NKAIN3: variants seen among roughly 807,000 people sequenced by gnomAD.
NKAIN3 encodes sodium/potassium transporting ATPase interacting 3, also known as sodium/potassium-transporting ATPase subunit beta-1-interacting protein 3.
A neutral mutation model predicts 30.2 loss-of-function variants in NKAIN3; 25 were observed. The observed-to-expected ratio is 0.83, with a 90% CI of 0.60 to 1.16. NKAIN3 has a LOEUF of 1.16. Ranked by LOEUF, NKAIN3 falls within the 50% of genes most tolerant of loss-of-function variation. The pLI, the probability that NKAIN3 is intolerant of heterozygous loss-of-function variation, is 0.00. For synonymous variants in NKAIN3, 91 were observed against 89.6 expected, an observed-to-expected ratio of 1.02 and a Z score of -0.09; for missense variants, 225 against 254.1, an observed-to-expected ratio of 0.89 and a Z score of 0.78.
chr8:62,455,966 C>T (rs1013562010), intron 1 of NKAIN3, among the ~76,000 whole-genome samples: 1 of 152,138 alleles, frequency 6.6e-6, no homozygotes, highest in Non-Finnish European at 1.5e-5. Context: ...ACAGACATGG[C>T]TACTATGTGG....
intron 4 of NKAIN3, chr8:62,864,122 T>TGACGGC: frequency 1.6e-6 from 1 of 627,448 alleles, no homozygotes; most frequent in Non-Finnish European, 2.8e-6. Context: ...TTCGCGGAGG[T>TGACGGC]GATGGCGACG....
At chr8:62,606,932 T>A (rs1385821848) in intron 3 of NKAIN3, among the ~76,000 whole-genome samples, 1 of 152,150 alleles carries the variant, frequency 6.6e-6, no homozygotes, top group Non-Finnish European at 1.5e-5. Context: ...TACATACAAT[T>A]AATGCTGCAT....
intron 3 of NKAIN3, among the ~76,000 whole-genome samples, chr8:62,732,319 T>C (rs76545877): frequency 6.6e-6 from 1 of 152,204 alleles, no homozygotes; most frequent in African/African-American, 2.4e-5. Flanking sequence ...ATTTTTGTTT[T>C]AAATATTTCT....
At chr8:62,694,466 C>A (rs1814090615) in intron 3 of NKAIN3, among the ~76,000 whole-genome samples, 1 of 152,078 alleles carries the variant, frequency 6.6e-6, no homozygotes, top group African/African-American at 2.4e-5. Flanking sequence ...AAGACAAATA[C>A]CACATCTTCT....
chr8:62,282,533 G>A (rs540241484), intron 1 of NKAIN3, among the ~76,000 whole-genome samples: 10 of 152,224 alleles, frequency 6.6e-5, no homozygotes, highest in South Asian at 4.1e-4. Context: ...GGGAGCGATC[G>A]ATCTTTATCA....
chr8:62,388,563 A>G (rs1484802869), intron 1 of NKAIN3, among the ~76,000 whole-genome samples: 1 of 152,362 alleles, frequency 6.6e-6, no homozygotes, highest in Non-Finnish European at 1.5e-5. Flanking sequence ...TACTTTTATC[A>G]AACCCTGGCC....
At chr8:62,919,366 T>A (rs1290699264) in intron 5 of NKAIN3, among the ~76,000 whole-genome samples, 1 of 147,458 alleles carries the variant, frequency 6.8e-6, no homozygotes, top group Non-Finnish European at 1.5e-5. Flanking sequence ...TGCCTCAGCC[T>A]CCTGAGTGGC....
chr8:62,806,541 A>G (rs1026199283), intron 4 of NKAIN3, among the ~76,000 whole-genome samples: 1 of 152,108 alleles, frequency 6.6e-6, no homozygotes, highest in Non-Finnish European at 1.5e-5. Flanking sequence ...ATTCTCAGTA[A>G]ACTATCAGAA....
At chr8:62,960,757 A>AC (rs60452313) in intron 6 of NKAIN3, among the ~76,000 whole-genome samples, 12 of 151,676 alleles carry the variant, frequency 7.9e-5, no homozygotes, top group East Asian at 1.9e-4. Context: ...ACACACACAC[A>AC]AGTGATTAGA....
intron 5 of NKAIN3, among the ~76,000 whole-genome samples, chr8:62,928,734 C>T (rs145334966): frequency 3.9e-4 from 60 of 152,266 alleles, no homozygotes; most frequent in Middle Eastern, 3.4e-3. Context: ...CTTTGGAAGC[C>T]GCACGTTTCA....
intron 5 of NKAIN3, among the ~76,000 whole-genome samples, chr8:62,934,964 G>C (rs1242853664): frequency 6.6e-6 from 1 of 152,128 alleles, no homozygotes; most frequent in Admixed American, 6.5e-5. Context: ...GGGAAGGAGA[G>C]CACTTCCACA....
chr8:62,405,390 A>G (rs949960991), intron 1 of NKAIN3, among the ~76,000 whole-genome samples: 1 of 152,186 alleles, frequency 6.6e-6, no homozygotes, highest in African/African-American at 2.4e-5. Flanking sequence ...AGGACCACAG[A>G]GTACTTTATT....
chr8:62,632,960 C>T (rs371659952), intron 3 of NKAIN3, among the ~76,000 whole-genome samples: 3 of 152,044 alleles, frequency 2.0e-5, no homozygotes, highest in African/African-American at 7.2e-5. Flanking sequence ...CAATGCTTGC[C>T]CTGGGAATGG....
intron 4 of NKAIN3, among the ~76,000 whole-genome samples, chr8:62,913,535 G>A (rs928243744): frequency 5.9e-5 from 9 of 152,216 alleles, no homozygotes; most frequent in Non-Finnish European, 1.2e-4. Context: ...AGTGACGATC[G>A]TGTTGGGTGT....
intron 1 of NKAIN3, among the ~76,000 whole-genome samples, chr8:62,376,160 C>T (rs1022050494): frequency 3.3e-5 from 5 of 152,212 alleles, no homozygotes; most frequent in Admixed American, 2.0e-4. Context: ...CCCCCAGACA[C>T]AGGGAGCTTC....
intron 3 of NKAIN3, among the ~76,000 whole-genome samples, chr8:62,725,310 C>T (rs1273118633): frequency 6.6e-6 from 1 of 152,052 alleles, no homozygotes; most frequent in Non-Finnish European, 1.5e-5. Context: ...AATATTTTCA[C>T]CCTTTGTAAG....
chr8:62,851,445 T>C (rs1458125214), intron 4 of NKAIN3, among the ~76,000 whole-genome samples: 3 of 152,224 alleles, frequency 2.0e-5, no homozygotes. Context: ...GAATACCCTT[T>C]ATTTCCTTCT....
chr8:62,592,880 G>A (rs1236450358), intron 3 of NKAIN3, among the ~76,000 whole-genome samples: 1 of 151,710 alleles, frequency 6.6e-6, no homozygotes, highest in Non-Finnish European at 1.5e-5. Flanking sequence ...ATGATAACAG[G>A]ATCAATGTAT....
chr8:62,828,925 G>T (rs963669065), intron 4 of NKAIN3, among the ~76,000 whole-genome samples: 1 of 152,138 alleles, frequency 6.6e-6, no homozygotes, highest in African/African-American at 2.4e-5. Context: ...TCTAGCTCCA[G>T]TCAAACCACC....
Sources: allele counts gnomAD v4.1 joint callset (sites outside exome capture counted in the v4.1 genomes callset), GRCh38; gene constraint gnomAD v4.1.1; transcripts MANE v1.5; gene names NCBI Gene and HGNC (gene_info 2026-07-23, HGNC 2026-07-21).